The following SNX16 variants were observed in gnomAD, a reference collection of about 807,000 sequenced individuals.
SNX16 encodes sorting nexin-16.
Under a neutral mutation model 36.7 loss-of-function variants are expected in SNX16, and 35 were observed. The ratio of observed to expected loss-of-function variants is 0.95; its 90% CI spans 0.73 to 1.27. SNX16 has a LOEUF of 1.27. Among genes scored for constraint, SNX16 ranks in the 50% most tolerant of loss-of-function variants. The pLI is 0.00. For missense variants in SNX16, 367 were observed against 393.6 expected (o/e 0.93, Z 0.57); for synonymous variants, 134 against 132.0 (o/e 1.02, Z -0.10).
At chr8:81,803,717 A>G (rs1342666335) in intron 5 of SNX16, among the ~76,000 whole-genome samples, 2 of 151,970 alleles carry the variant, frequency 1.3e-5, no homozygotes, top group East Asian at 3.8e-4. Flanking sequence ...GGTACAAGAA[A>G]TGAGGAGTCA....
At position 81,824,015 on chromosome 8, in the gene SNX16, T is replaced by C. The variant is rs1810896662; in HGVS notation, c.463-75A>G. 1.9e-5 allele frequency: 24 copies of C among 1,272,214 alleles called. 1 individual carries two copies. The South Asian group carries it at 3.2e-4, about 17-fold the overall frequency. The allele number at this position is 1,272,214 out of a possible 1,614,324, so 78.8% of individuals were successfully genotyped here. ...ATTCTACAAAATCTATCCTGTTGAC[T>C]ACATGAAATTATTCATGAAATAAGT... On this transcript the variant is annotated intron_variant, in intron 3 of 7. Coordinates refer to ENST00000345957, the MANE Select transcript of SNX16 (RefSeq NM_152836.3).
At position 81,801,456 on chromosome 8, in the gene SNX16, A is replaced by G; in HGVS notation, c.*41T>C. On this transcript the variant is annotated 3_prime_UTR_variant, in exon 8 of 8. Transcript: ENST00000345957. ...AAAATAGTATTTGCCACTCTTCTAAATTTTTGAATAGTCTAAATGGAGGGA... is the reference window on the plus strand; with the variant it reads ...AAAATAGTATTTGCCACTCTTCTAAGTTTTTGAATAGTCTAAATGGAGGGA... The G allele has an allele frequency of 8.0e-7, 1 of 1,242,802 alleles. No individual in the cohort carries two copies. Among genetic ancestry groups the G allele is most frequent in the African/African-American group, 1.5e-5 (1 of 65,292 alleles). 77.0% of individuals were successfully genotyped at this position (1,242,802 alleles called of 1,614,324 possible). A position where few individuals can be genotyped will look rare whatever the true frequency, so the allele number is the denominator to read the frequency against.
At chr8:81,807,950 T>G (rs1340944701) in intron 5 of SNX16, 10 of 785,080 alleles carry the variant, frequency 1.3e-5, no homozygotes, top group Non-Finnish European at 2.3e-5. Flanking sequence ...TTTGGGTTTG[T>G]CACATATGCC....
At chr8:81,827,528 A>G (rs969688431) in intron 3 of SNX16, among the ~76,000 whole-genome samples, 1 of 152,210 alleles carries the variant, frequency 6.6e-6, no homozygotes, top group Admixed American at 6.5e-5. Context: ...AGTATAATAT[A>G]TGAAGCTCAG....
At chr8:81,830,468 G>T (rs528017164) in intron 2 of SNX16, among the ~76,000 whole-genome samples, 1 of 151,794 alleles carries the variant, frequency 6.6e-6, no homozygotes, top group African/African-American at 2.4e-5. Flanking sequence ...TTACTTGGGA[G>T]GCTGAGGCAG....
intron 2 of SNX16, among the ~76,000 whole-genome samples, chr8:81,833,547 G>GTGAGACTAATGAGGAGACACTCATTAA (rs1252386980): frequency 6.6e-6 from 1 of 152,178 alleles, no homozygotes; most frequent in Non-Finnish European, 1.5e-5. Flanking sequence ...CTCATTAAAA[G>GTGAGACTAATGAGGAGACACTCATTAA]AAGAGAGAAG....
intron 2 of SNX16, 88 bp from the exon 3 acceptor site, chr8:81,829,604 C>A: frequency 2.1e-6 from 1 of 470,168 alleles, no homozygotes; most frequent in Non-Finnish European, 3.5e-6. Context: ...AAAAATTTTA[C>A]TTGATAACCC....
intron 5 of SNX16, among the ~76,000 whole-genome samples, chr8:81,807,511 T>C: frequency 2.1e-5 from 2 of 97,372 alleles, no homozygotes; most frequent in African/African-American, 8.6e-5. Context: ...AGTTTGAGAC[T>C]CTGTCTCAAA....
chr8:81,840,113 A>T (rs1811678456), intron 1 of SNX16, 31 bp from the exon 2 acceptor site: 2 of 1,101,574 alleles, frequency 1.8e-6, no homozygotes, highest in African/African-American at 1.6e-5. Context: ...TTAAAAGGTT[A>T]GTCTTTAATG....
At chr8:81,812,479 T>TA (rs1810306561) in intron 5 of SNX16, among the ~76,000 whole-genome samples, 1 of 152,008 alleles carries the variant, frequency 6.6e-6, no homozygotes, top group Non-Finnish European at 1.5e-5. Context: ...ATTTTTTTTT[T>TA]ATCAGAAATA....
chr8:81,840,096 G>T lies in SNX16; in HGVS notation c.-96-14C>A. 1 of 1,303,804 alleles carries T rather than the reference G, an allele frequency of 7.7e-7. No individual in the cohort carries two copies. The highest frequency in any genetic ancestry group is 1.0e-6 in the Non-Finnish European group (1 of 960,158). 80.8% of individuals were successfully genotyped at this position (1,303,804 alleles called of 1,614,324 possible). On this transcript the variant is annotated splice_polypyrimidine_tract_variant and intron_variant, in intron 1 of 7. Coordinates refer to ENST00000345957, the MANE Select transcript of SNX16 (RefSeq NM_152836.3). ...GGAATTCACTATCTAAAAATGAAAA[G>T]GACATATTAAAAGGTTAGTCTTTAA...
At chr8:81,829,293 AATTT>A (rs959148086) in intron 3 of SNX16, 133 bp downstream of exon 3, 4 of 329,248 alleles carry the variant, frequency 1.2e-5, no homozygotes, top group Non-Finnish European at 2.1e-5. Flanking sequence ...TTATTTTAAA[AATTT>A]ATTTAAAAAA....
intron 1 of SNX16, 43 bp downstream of exon 1, chr8:81,842,079 G>C (rs888905909): frequency 1.3e-5 from 2 of 151,716 alleles, no homozygotes; most frequent in Non-Finnish European, 2.9e-5. Flanking sequence ...ACGAGAACCC[G>C]GGACAGCGAC....
At chr8:81,827,565 C>T (rs1811073301) in intron 3 of SNX16, among the ~76,000 whole-genome samples, 1 of 152,086 alleles carries the variant, frequency 6.6e-6, no homozygotes, top group African/African-American at 2.4e-5. Context: ...TCATATATAA[C>T]TGTAGGTATA....
intron 2 of SNX16, among the ~76,000 whole-genome samples, chr8:81,831,161 C>T (rs191233992): frequency 6.6e-6 from 1 of 152,210 alleles, no homozygotes; most frequent in Admixed American, 6.5e-5. Flanking sequence ...CTATAAGAGT[C>T]CCAGAAGAAA....
In SNX16 at chr8:81,823,814, C is replaced by G; in HGVS notation, c.589G>C (p.Ala197Pro). The G allele has an allele frequency of 6.2e-7, 1 of 1,609,086 alleles. No individual in the cohort carries two copies. The highest frequency in any genetic ancestry group is 8.5e-7 in the Non-Finnish European group (1 of 1,178,020). The stretch of plus-strand genomic sequence containing the variant: ...TACCAGTTAGCAATGTCCTTGTGAG[C>G]TACTAAATTTTGAAGAAACGCTTGT... ...GLQAFLQNLV[A>P]HKDIANCLAV... Residue 197 changes from alanine to proline, a missense_variant, in exon 4 of 8, where the codon GCT becomes CCT. Physicochemically the swap from Ala to Pro is conservative, Grantham distance 27. Transcript: ENST00000345957.
intron 3 of SNX16, 34 bp downstream of exon 3, chr8:81,829,396 T>G: frequency 1.0e-6 from 1 of 1,002,736 alleles, no homozygotes; most frequent in East Asian, 3.0e-5. Flanking sequence ...AATTCAAAAC[T>G]GAAATGTTAG....
At chr8:81,810,749 T>C (rs1810200506) in intron 5 of SNX16, among the ~76,000 whole-genome samples, 1 of 152,166 alleles carries the variant, frequency 6.6e-6, no homozygotes, top group South Asian at 2.1e-4. Flanking sequence ...TTACTTGTCA[T>C]GAGTGGGTAT....
At chr8:81,813,275 T>C (rs1810343178) in intron 5 of SNX16, among the ~76,000 whole-genome samples, 1 of 151,792 alleles carries the variant, frequency 6.6e-6, no homozygotes, top group Non-Finnish European at 1.5e-5. Flanking sequence ...GACAGGAAAA[T>C]AGATCAACAG....
Sources: gnomAD v4.1 joint callset for allele counts (sites outside exome capture counted in the v4.1 genomes callset) on GRCh38, gnomAD v4.1.1 for gene constraint, MANE v1.5 for transcripts, NCBI Gene and HGNC (gene_info 2026-07-23, HGNC 2026-07-21) for gene names.